The following SGCZ variants were observed in gnomAD, a reference collection of about 807,000 sequenced individuals.
The protein encoded by SGCZ is zeta-sarcoglycan.
Under a neutral mutation model 41.3 loss-of-function variants are expected in SGCZ, and 40 were observed. That is an observed-to-expected ratio of 0.97 (90% CI 0.75 to 1.26). The LOEUF (loss-of-function observed/expected upper bound fraction) is 1.26, where lower values mean the gene tolerates loss of function less well. Among genes scored for constraint, SGCZ ranks in the 50% most tolerant of loss-of-function variants. The probability of loss-of-function intolerance (pLI) is 0.00; values close to 1 mark genes in which losing one functional copy is unlikely to be tolerated. For synonymous variants in SGCZ, 206 were observed against 137.5 expected, an observed-to-expected ratio of 1.50 and a Z score of -3.49; for missense variants, 552 against 369.8, an observed-to-expected ratio of 1.49 and a Z score of -4.04.
intron 2 of SGCZ, among the ~76,000 whole-genome samples, chr8:14,437,025 G>A (rs948944652): frequency 1.5e-4 from 23 of 152,156 alleles, no homozygotes; most frequent in African/African-American, 4.6e-4. Context: ...TACCAGGAGC[G>A]GGTTAGACTC....
intron 2 of SGCZ, among the ~76,000 whole-genome samples, chr8:14,488,053 G>T (rs1047037653): frequency 3.3e-5 from 5 of 152,258 alleles, no homozygotes; most frequent in African/African-American, 1.2e-4. Context: ...AAGTCCCTGA[G>T]GCTCCCAAAT....
intron 1 of SGCZ, among the ~76,000 whole-genome samples, chr8:14,560,014 T>G (rs1804160233): frequency 6.6e-6 from 1 of 152,040 alleles, no homozygotes. Context: ...TGGTAGAAAT[T>G]TCAAGGTTCT....
chr8:14,933,366 T>G (rs1234030329), intron 1 of SGCZ, among the ~76,000 whole-genome samples: 1 of 151,564 alleles, frequency 6.6e-6, no homozygotes, highest in Non-Finnish European at 1.5e-5. Context: ...ATGAGCTCTC[T>G]GCAAAAATGG....
intron 1 of SGCZ, among the ~76,000 whole-genome samples, chr8:14,710,067 C>A (rs534202225): frequency 6.6e-6 from 1 of 152,176 alleles, no homozygotes; most frequent in Admixed American, 6.5e-5. Flanking sequence ...GAAGAAATTT[C>A]TTAAGAATAA....
At chr8:14,624,568 T>TA (rs1806391044) in intron 1 of SGCZ, among the ~76,000 whole-genome samples, 2 of 126,832 alleles carry the variant, frequency 1.6e-5, no homozygotes, top group African/African-American at 5.8e-5. Flanking sequence ...TTTTTTTTTT[T>TA]TTTTTTTTTT....
intron 2 of SGCZ, among the ~76,000 whole-genome samples, chr8:14,429,609 G>T (rs755855772): frequency 6.6e-6 from 1 of 152,152 alleles, no homozygotes; most frequent in Admixed American, 6.6e-5. Flanking sequence ...CTTCTTTGCA[G>T]ATGAAACTAA....
chr8:14,765,613 C>T (rs955490748), intron 1 of SGCZ, among the ~76,000 whole-genome samples: 1 of 152,094 alleles, frequency 6.6e-6, no homozygotes, highest in African/African-American at 2.4e-5. Flanking sequence ...ACAGGGAAGG[C>T]TGGTGTGCAA....
rs147867387 is a variant in SGCZ at position 14,335,993 on chromosome 8, T to C, written c.235-11789A>G. 1.9e-3 allele frequency among the ~76,000 whole-genome samples: 293 copies of C among 152,224 alleles called. 1 individual carries two copies. Among genetic ancestry groups the C allele is most frequent in the African/African-American group, 6.9e-3 (287 of 41,550 alleles). Reference sequence around the variant, plus strand: ...TATAAACTCATGTCATAGGGGTTTGTTATACAGATTATCTCCTCAACAGGA... The same window carrying C: ...TATAAACTCATGTCATAGGGGTTTGCTATACAGATTATCTCCTCAACAGGA... On this transcript the variant is annotated intron_variant, in intron 2 of 7. Transcript: ENST00000382080.
chr8:14,093,212 T>C (rs957671585), intron 7 of SGCZ, among the ~76,000 whole-genome samples: 1 of 152,076 alleles, frequency 6.6e-6, no homozygotes. Flanking sequence ...CTCATCTAAA[T>C]TCCATTTGTT....
intron 1 of SGCZ, among the ~76,000 whole-genome samples, chr8:14,969,940 T>C (rs1801237525): frequency 6.6e-6 from 1 of 152,128 alleles, no homozygotes; most frequent in Non-Finnish European, 1.5e-5. Context: ...TGCCAAACTA[T>C]ATTCCAAAGT....
intron 1 of SGCZ, among the ~76,000 whole-genome samples, chr8:15,165,735 G>A (rs1202030147): frequency 6.6e-6 from 1 of 152,206 alleles, no homozygotes; most frequent in Non-Finnish European, 1.5e-5. Flanking sequence ...GTAACCTTTT[G>A]CTTAGGGTTA....
chr8:14,503,882 T>C lies in SGCZ; in HGVS notation c.234+50850A>G, dbSNP rs116996524. ...ATTTGAAGAGATTTATAGGTAATCA[T>C]TTAAAACCTTTGAAGTTTAAAATAT... On this transcript the variant is annotated intron_variant, in intron 2 of 7. Transcript: ENST00000382080. 8.3e-4 allele frequency among the ~76,000 whole-genome samples: 126 copies of C among 152,308 alleles called. 3 individuals are homozygous for C. The East Asian group carries it at 0.023, about 27-fold the overall frequency.
At chr8:15,130,611 C>G (rs1807861242) in intron 1 of SGCZ, among the ~76,000 whole-genome samples, 1 of 152,116 alleles carries the variant, frequency 6.6e-6, no homozygotes, top group Non-Finnish European at 1.5e-5. Context: ...AATTATCACT[C>G]GTTTATTTAC....
intron 4 of SGCZ, among the ~76,000 whole-genome samples, chr8:14,190,795 C>T (rs953133391): frequency 1.3e-5 from 2 of 151,218 alleles, no homozygotes; most frequent in African/African-American, 4.9e-5. Flanking sequence ...GTAGAGACGG[C>T]GTTTCACTGT....
At chr8:14,097,685 G>C (rs1801887732) in intron 7 of SGCZ, among the ~76,000 whole-genome samples, 1 of 152,070 alleles carries the variant, frequency 6.6e-6, no homozygotes, top group Non-Finnish European at 1.5e-5. Flanking sequence ...ATTGACAGTG[G>C]GGTGTTAAAG....
intron 1 of SGCZ, among the ~76,000 whole-genome samples, chr8:14,570,748 C>G (rs1804525384): frequency 6.6e-6 from 1 of 152,054 alleles, no homozygotes; most frequent in Non-Finnish European, 1.5e-5. Context: ...TATGAATAAC[C>G]TAAGAGACTA....
chr8:14,526,904 G>A (rs746418285), intron 2 of SGCZ, among the ~76,000 whole-genome samples: 4 of 152,116 alleles, frequency 2.6e-5, no homozygotes, highest in Admixed American at 1.3e-4. Context: ...GGTGGCTGCA[G>A]GGACTTTTGC....
At chr8:14,977,482 T>G (rs534931979) in intron 1 of SGCZ, among the ~76,000 whole-genome samples, 10 of 152,340 alleles carry the variant, frequency 6.6e-5, no homozygotes, top group African/African-American at 2.4e-4. Flanking sequence ...ATTACTTTCT[T>G]TCATCCACAT....
intron 2 of SGCZ, among the ~76,000 whole-genome samples, chr8:14,387,100 T>C (rs1804603556): frequency 6.6e-6 from 1 of 152,242 alleles, no homozygotes. Context: ...GGTCTCACTC[T>C]TTGGCTCAGG....
Sources: allele counts gnomAD v4.1 joint callset (sites outside exome capture counted in the v4.1 genomes callset), GRCh38; gene constraint gnomAD v4.1.1; transcripts MANE v1.5; gene names NCBI Gene and HGNC (gene_info 2026-07-23, HGNC 2026-07-21).